NAXD: variants seen among roughly 807,000 people sequenced by gnomAD.
NAXD encodes NAD(P)HX dehydratase, also known as ATP-dependent (S)-NAD(P)H-hydrate dehydratase.
NAXD carries 22 observed loss-of-function variants against 35.8 expected under a neutral mutation model. The observed-to-expected ratio is 0.62, with a 90% CI of 0.44 to 0.88. The LOEUF (loss-of-function observed/expected upper bound fraction) is 0.88, where lower values mean the gene tolerates loss of function less well. NAXD is among the 40% of genes least tolerant of loss of function. NAXD has a pLI of 0.00. For synonymous variants in NAXD, 189 were observed against 177.6 expected (o/e 1.06, Z -0.51); for missense variants, 428 against 437.7 (o/e 0.98, Z 0.20).
chr13:110,618,408 A>ACCCAGCTGT lies in NAXD; in HGVS notation c.46+2761_46+2762insCCCAGCTGT, dbSNP rs1427475527. Among the ~76,000 whole-genome samples, 7 of 152,322 alleles carry ACCCAGCTGT rather than the reference A, an allele frequency of 4.6e-5. 1 individual carries two copies. Among genetic ancestry groups the ACCCAGCTGT allele is most frequent in the Admixed American group, 3.9e-4 (6 of 15,306 alleles). On this transcript the variant is annotated intron_variant, in intron 1 of 9. Transcript: ENST00000680254. ...GCGACTCCCGCTGGTGGGTTGATCA[A>ACCCAGCTGT]GTTGCTGTGAAGGTGGTTTGCACAT...
At chr13:110,618,476 A>G (rs189131422) in intron 1 of NAXD, among the ~76,000 whole-genome samples, 17 of 152,370 alleles carry the variant, frequency 1.1e-4, no homozygotes, top group Admixed American at 9.1e-4. Flanking sequence ...ATAAAGGAAT[A>G]GCTCAGAACA....
At chr13:110,615,501 C>T, upstream of NAXD, 1 of 1,174,216 alleles carries the variant, frequency 8.5e-7, no homozygotes, top group Non-Finnish European at 1.1e-6. Context: ...GATCCCACTG[C>T]CGACAGCCGC....
In NAXD at chr13:110,638,339, C is replaced by A; in HGVS notation, c.840-39C>A. Reference sequence around the variant, plus strand: ...TAGCTGCGGCCCCCGGACCACGACGCCCACTTCCCCACACCTCCTGCTGTC... The same window carrying A: ...TAGCTGCGGCCCCCGGACCACGACGACCACTTCCCCACACCTCCTGCTGTC... On this transcript the variant is annotated intron_variant, in intron 9 of 9. Transcript: ENST00000680254. This position sits in a 1 kb window ranked among gnomAD's most constrained non-coding sequence, Gnocchi z 5.4. 6.2e-7 allele frequency: 1 copy of A among 1,613,748 alleles called. No individual in the cohort carries two copies. Among genetic ancestry groups the A allele is most frequent in the East Asian group, 2.2e-5 (1 of 44,856 alleles).
intron 1 of NAXD, chr13:110,616,472 C>T (rs1027359650): frequency 6.6e-6 from 1 of 152,384 alleles, no homozygotes. Flanking sequence ...CCTGAGTCAT[C>T]CCCAGAACCT....
chr13:110,623,061 A>G (rs1229470496), intron 2 of NAXD, among the ~76,000 whole-genome samples: 17 of 152,152 alleles, frequency 1.1e-4, no homozygotes, highest in Non-Finnish European at 4.4e-5. Flanking sequence ...TTGCCTCCCA[A>G]GAGCACCTGT....
chr13:110,632,200 G>A (rs888029770), intron 5 of NAXD, among the ~76,000 whole-genome samples: 1 of 149,250 alleles, frequency 6.7e-6, no homozygotes, highest in African/African-American at 2.5e-5. Context: ...GACCTTCGCG[G>A]TGAGTGTTAC....
chr13:110,639,974 AAGAC>A lies in NAXD; in HGVS notation c.*1450_*1453del, dbSNP rs148412025. ...ACATCTAAATTCTGGTAACTATTAA[AAGAC>A]AGATCTGGTTAATTTAAATTGAGTA... On this transcript the variant is annotated 3_prime_UTR_variant, in exon 10 of 10. Transcript: ENST00000680254. 2.6e-5 allele frequency: 4 copies of A among 152,380 alleles called. No individual in the cohort carries two copies. Among genetic ancestry groups the A allele is most frequent in the East Asian group, 1.9e-4 (1 of 5,190 alleles). The allele number at this position is 152,380 out of a possible 1,614,324, so 9.4% of individuals were successfully genotyped here.
intron 5 of NAXD, among the ~76,000 whole-genome samples, chr13:110,633,468 A>G (rs1218618227): frequency 1.3e-5 from 2 of 152,230 alleles, no homozygotes; most frequent in African/African-American, 2.4e-5. Context: ...CAGCCCAGAA[A>G]GGGGCTCCCA....
At chr13:110,633,000 G>A (rs1020954642) in intron 5 of NAXD, among the ~76,000 whole-genome samples, 2 of 152,228 alleles carry the variant, frequency 1.3e-5, no homozygotes, top group African/African-American at 4.8e-5. Flanking sequence ...TGCAGGTGGA[G>A]CTGCCTGCCA....
At chr13:110,626,651 G>A (rs931582834) in intron 4 of NAXD, among the ~76,000 whole-genome samples, 15 of 152,288 alleles carry the variant, frequency 9.8e-5, no homozygotes, top group African/African-American at 3.1e-4. Flanking sequence ...CAGTGAAGCC[G>A]CTGTTTCCAG....
At chr13:110,626,375 G>T (rs1886483924) in intron 4 of NAXD, among the ~76,000 whole-genome samples, 1 of 152,170 alleles carries the variant, frequency 6.6e-6, no homozygotes, top group African/African-American at 2.4e-5. Flanking sequence ...CACTCCATGT[G>T]GTGGAAACGG....
chr13:110,637,297 C>T (rs1420598227), intron 9 of NAXD, 48 bp downstream of exon 9: 1 of 1,611,032 alleles, frequency 6.2e-7, no homozygotes. Context: ...TCTGATTTTT[C>T]TAAGCTGTTT....
intron 9 of NAXD, 134 bp downstream of exon 9, chr13:110,637,383 C>A: frequency 9.3e-7 from 1 of 1,075,856 alleles, no homozygotes; most frequent in Non-Finnish European, 1.4e-6. Flanking sequence ...GAGATCTCGG[C>A]ACAGACGAAC....
chr13:110,630,339 C>G (rs960998381), intron 5 of NAXD, among the ~76,000 whole-genome samples: 2 of 152,112 alleles, frequency 1.3e-5, no homozygotes, highest in Non-Finnish European at 2.9e-5. Flanking sequence ...CTTTGGGTAT[C>G]TTCTTTGGAG....
At chr13:110,621,726 A>G (rs1293847659) in intron 1 of NAXD, among the ~76,000 whole-genome samples, 1 of 149,188 alleles carries the variant, frequency 6.7e-6, no homozygotes, top group Non-Finnish European at 1.5e-5. Context: ...GTGTTACTAT[A>G]TGTGTTAATT....
rs1432505766 is a variant in NAXD at position 110,638,611 on chromosome 13, C to T, written c.*83C>T. The T allele has an allele frequency of 1.3e-6, 2 of 1,487,638 alleles. No individual in the cohort carries two copies. Among genetic ancestry groups the T allele is most frequent in the Non-Finnish European group, 1.9e-6 (2 of 1,073,576 alleles). The allele number at this position is 1,487,638 out of a possible 1,614,324, so 92.2% of individuals were successfully genotyped here. A position where few individuals can be genotyped will look rare whatever the true frequency, so the allele number is the denominator to read the frequency against. ...GGGAAAATCCGGACCCACGCGTGTG[C>T]TGAAGGCGTACGGTGCTTGCCAGAT... On this transcript the variant is annotated 3_prime_UTR_variant, in exon 10 of 10. Transcript: ENST00000680254. The surrounding 1 kb of genome is among the most constrained non-coding windows in gnomAD (Gnocchi z 5.4).
In NAXD at chr13:110,638,385, C is replaced by T. The variant is rs753272850; in HGVS notation, c.847C>T (p.Pro283Ser). 1 of 1,613,726 alleles carries T rather than the reference C, an allele frequency of 6.2e-7. No individual in the cohort carries two copies. Among genetic ancestry groups the T allele is most frequent in the African/African-American group, 1.3e-5 (1 of 74,916 alleles). ...CTGTCCCCCTCTCCGCAGGTCCAGC[C>T]CTCTCCTGGTGGCCGCGTTTGGCGC... ...AGPQKTNGSS[P>S]LLVAAFGACS... The change falls in exon 10 of 10, where the codon CCT becomes TCT. Residue 283 changes from proline (P) to serine (S), a missense_variant. Around this residue, in one of 3 missense-constraint regions of NAXD, gnomAD observed 209 missense variants for 214.6 expected, o/e 0.97. Transcript: ENST00000680254. This position sits in a 1 kb window ranked among gnomAD's most constrained non-coding sequence, Gnocchi z 5.4.
At chr13:110,621,861 C>G (rs1886278705) in intron 1 of NAXD, among the ~76,000 whole-genome samples, 1 of 152,058 alleles carries the variant, frequency 6.6e-6, no homozygotes, top group Admixed American at 6.6e-5. Context: ...GAAACCCTAT[C>G]TCTACTGAAA....
At chr13:110,625,754 C>A (rs527457598) in intron 4 of NAXD, among the ~76,000 whole-genome samples, 8 of 152,214 alleles carry the variant, frequency 5.3e-5, no homozygotes, top group African/African-American at 1.9e-4. Flanking sequence ...TTCTCTCTGC[C>A]GTCCAGGATT....
Sources: gnomAD v4.1 joint callset for allele counts (sites outside exome capture counted in the v4.1 genomes callset) on GRCh38, gnomAD v4.1.1 for gene constraint, gnomAD v4.1.1 regional missense constraint, Gnocchi (gnomAD v3.1) non-coding constraint, MANE v1.5 for transcripts, NCBI Gene and HGNC (gene_info 2026-07-23, HGNC 2026-07-21) for gene names.